The following SYNE1 variants were observed in gnomAD, a reference collection of about 807,000 sequenced individuals.
SYNE1 encodes spectrin repeat containing nuclear envelope protein 1.
SYNE1 carries 616 observed loss-of-function variants against 1,111.0 expected under a neutral mutation model. The ratio of observed to expected loss-of-function variants is 0.55; its 90% CI spans 0.52 to 0.59. The LOEUF (loss-of-function observed/expected upper bound fraction) is 0.59. Among genes scored for constraint, SYNE1 ranks in the 20% least tolerant of loss-of-function variants. The pLI, the probability that SYNE1 is intolerant of heterozygous loss-of-function variation, is 0.00. For missense variants in SYNE1, 10,006 were observed against 10,417.0 expected, an observed-to-expected ratio of 0.96 and a Z score of 1.72; for synonymous variants, 3,855 against 3,825.8, an observed-to-expected ratio of 1.01 and a Z score of -0.28.
chr6:152,577,033 A>T (rs1006171434), intron 3 of SYNE1, among the ~76,000 whole-genome samples: 3 of 152,230 alleles, frequency 2.0e-5, no homozygotes, highest in Non-Finnish European at 4.4e-5. Flanking sequence ...TATGTTAAGA[A>T]GGCATTTTTT....
At chr6:152,349,367 C>T (rs1379290848) in intron 72 of SYNE1, among the ~76,000 whole-genome samples, 1 of 152,174 alleles carries the variant, frequency 6.6e-6, no homozygotes, top group African/African-American at 2.4e-5. Context: ...AATATTATCT[C>T]CTGTGATTAG....
At chr6:152,612,343 C>T (rs2099633684) in intron 3 of SYNE1, among the ~76,000 whole-genome samples, 3 of 152,042 alleles carry the variant, frequency 2.0e-5, no homozygotes, top group Non-Finnish European at 2.9e-5. Context: ...GAAATACAAA[C>T]TATAATCAGA....
intron 45 of SYNE1, 72 bp downstream of exon 45, chr6:152,406,942 G>C (rs962760905): frequency 3.5e-6 from 4 of 1,151,256 alleles, no homozygotes; most frequent in Non-Finnish European, 4.7e-6. Context: ...TTTTAAGAAA[G>C]ACTTTTTTTT....
chr6:152,607,963 C>T (rs1013465980), intron 3 of SYNE1, among the ~76,000 whole-genome samples: 11 of 152,084 alleles, frequency 7.2e-5, no homozygotes, highest in Non-Finnish European at 1.6e-4. Flanking sequence ...TGTTGTCACT[C>T]ATAAGTGGGA....
chr6:152,615,725 T>C (rs1340288039), intron 3 of SYNE1, among the ~76,000 whole-genome samples: 3 of 152,240 alleles, frequency 2.0e-5, no homozygotes, highest in African/African-American at 2.4e-5. Flanking sequence ...AATAATTATA[T>C]AGTCAAAGAA....
chr6:152,214,966 C>A lies in SYNE1; in HGVS notation c.22286G>T (p.Arg7429Ile), dbSNP rs747371458. The change falls in exon 122 of 146, where the codon AGA becomes ATA. Residue 7429 changes from arginine (R) to isoleucine (I), a missense_variant. Physicochemically the swap from Arg to Ile is moderately conservative, Grantham distance 97 (BLOSUM62 -3). Coordinates refer to ENST00000367255, the MANE Select transcript of SYNE1 (RefSeq NM_182961.4). ...RLPLNDKEIK[R>I]MQNLNRHWSL... The stretch of plus-strand genomic sequence containing the variant: ...CCAATGGCGGTTCAGATTCTGCATT[C>A]TTTTGATTTCCTTATCATTCAAGGG... 6.2e-7 allele frequency: 1 copy of A among 1,614,118 alleles called. No individual in the cohort carries two copies. Among genetic ancestry groups the A allele is most frequent in the East Asian group, 2.2e-5 (1 of 44,884 alleles).
intron 2 of SYNE1, among the ~76,000 whole-genome samples, chr6:152,632,301 C>T (rs1320840845): frequency 6.6e-6 from 1 of 152,154 alleles, no homozygotes; most frequent in Admixed American, 6.5e-5. Context: ...ACCTCTTCCT[C>T]TTCAATGCAA....
chr6:152,553,749 A>G (rs192577799), intron 3 of SYNE1, among the ~76,000 whole-genome samples: 9 of 152,130 alleles, frequency 5.9e-5, no homozygotes, highest in African/African-American at 1.9e-4. Context: ...TTATTATTAT[A>G]TCATGTGTCA....
intron 14 of SYNE1, among the ~76,000 whole-genome samples, chr6:152,481,832 CCCA>C (rs1457354662): frequency 1.3e-5 from 2 of 150,504 alleles, no homozygotes; most frequent in African/African-American, 2.5e-5. Flanking sequence ...CATAGCTGCC[CCCA>C]CTTTAGGGCA....
Position 152,329,802 on chromosome 6 carries a change from C to A in SYNE1, c.14883G>T (p.Ala4961=), listed in dbSNP as rs539549948. 1 of 1,614,170 alleles carries A rather than the reference C, an allele frequency of 6.2e-7. No individual in the cohort carries two copies. Among genetic ancestry groups the A allele is most frequent in the African/African-American group, 1.3e-5 (1 of 75,048 alleles). The change falls in exon 78 of 146, where the codon GCG becomes GCT. Residue 4961 remains alanine (A), a synonymous_variant. Coordinates refer to ENST00000367255, the MANE Select transcript of SYNE1 (RefSeq NM_182961.4). ...GCTCAGCGAGGCTGTGTTCTAAATC[C>A]GCAGAAATCAGCTCCTTGGCCTTTG... The part of the protein sequence containing the change: ...KFTKAKELIS[A]DLEHSLAELS...
At chr6:152,266,768 C>T (rs928395311) in intron 100 of SYNE1, among the ~76,000 whole-genome samples, 4 of 152,076 alleles carry the variant, frequency 2.6e-5, no homozygotes, top group African/African-American at 9.7e-5. Context: ...GCTGCAATTG[C>T]ATTTTAGTTT....
intron 21 of SYNE1, among the ~76,000 whole-genome samples, chr6:152,460,628 G>A (rs2098726276): frequency 6.6e-6 from 1 of 151,682 alleles, no homozygotes; most frequent in Admixed American, 6.6e-5. Context: ...CAATCTAGGT[G>A]GATTTTGCAA....
At chr6:152,199,002 C>A (rs541815545) in intron 127 of SYNE1, among the ~76,000 whole-genome samples, 36 of 127,156 alleles carry the variant, frequency 2.8e-4, no homozygotes, top group South Asian at 1.0e-3. Context: ...AAAAAAAAAA[C>A]CAAAAAACAA....
chr6:152,230,535 T>C lies in SYNE1; in HGVS notation c.21195+12A>G, dbSNP rs200930593. On this transcript the variant is annotated intron_variant, in intron 115 of 145. Coordinates refer to ENST00000367255, the MANE Select transcript of SYNE1 (RefSeq NM_182961.4). ...TGTGAGATGGTGCATGTTAGCCACC[T>C]GGACAAGTTACCTGACAGTCTTTCA... is the stretch of plus-strand genomic sequence containing the variant. 8.6e-5 allele frequency: 138 copies of C among 1,613,954 alleles called. No homozygotes were observed. The East Asian group carries it at 2.5e-3, about 29-fold the overall frequency.
chr6:152,444,823 T>C (rs1054009194), intron 29 of SYNE1, among the ~76,000 whole-genome samples: 5 of 152,124 alleles, frequency 3.3e-5, no homozygotes, highest in Non-Finnish European at 4.4e-5. Context: ...CAATAGGTAA[T>C]ATTAACTGCA....
At chr6:152,426,123 C>T (rs2098349783) in intron 38 of SYNE1, among the ~76,000 whole-genome samples, 1 of 152,130 alleles carries the variant, frequency 6.6e-6, no homozygotes, top group Non-Finnish European at 1.5e-5. Flanking sequence ...CTCTTAAGTG[C>T]TGTGAGGTGC....
At position 152,433,781 on chromosome 6, in the gene SYNE1, T is replaced by C. The variant is rs554281097; in HGVS notation, c.4461+14A>G. 6.2e-7 allele frequency: 1 copy of C among 1,613,462 alleles called. No homozygotes were observed. Among genetic ancestry groups the C allele is most frequent in the African/African-American group, 1.3e-5 (1 of 74,930 alleles). On this transcript the variant is annotated intron_variant, in intron 34 of 145. Transcript: ENST00000367255. ...CTAGACATGGATTATAAATATAATGTGTGAGCAGGTCACCTTAATTTGGCT... is the reference window on the plus strand; with the variant it reads ...CTAGACATGGATTATAAATATAATGCGTGAGCAGGTCACCTTAATTTGGCT...
chr6:152,310,786 C>T lies in SYNE1; in HGVS notation c.16798G>A (p.Glu5600Lys), dbSNP rs1415820816. ...TCTGCCACTTGCTGAGACATTTTTTCTGTACAGTACACGCTAGTGAGGTAC... is the reference window on the plus strand; with the variant it reads ...TCTGCCACTTGCTGAGACATTTTTTTTGTACAGTACACGCTAGTGAGGTAC... ...LQYLTSVYCT[E>K]KMSQQVAELG... Residue 5600 changes from glutamate (E) to lysine (K), a missense_variant, in exon 88 of 146, where the codon GAA (glutamate) becomes AAA (lysine). Around this residue, in one of 7 missense-constraint regions of SYNE1, gnomAD observed 4,955 missense variants for 5,017.2 expected, o/e 0.99. Coordinates refer to ENST00000367255, the MANE Select transcript of SYNE1 (RefSeq NM_182961.4). 6.2e-7 allele frequency: 1 copy of T among 1,613,852 alleles called. No individual in the cohort carries two copies. Among genetic ancestry groups the T allele is most frequent in the East Asian group, 2.2e-5 (1 of 44,882 alleles).
At chr6:152,292,447 C>T (rs1381699760) in intron 95 of SYNE1, among the ~76,000 whole-genome samples, 1 of 152,200 alleles carries the variant, frequency 6.6e-6, no homozygotes, top group Non-Finnish European at 1.5e-5. Flanking sequence ...GCACTTCGAT[C>T]TCTATCTTCA....
Sources: gnomAD v4.1 joint callset for allele counts (sites outside exome capture counted in the v4.1 genomes callset) on GRCh38, gnomAD v4.1.1 for gene constraint, gnomAD v4.1.1 regional missense constraint, MANE v1.5 for transcripts, NCBI Gene and HGNC (gene_info 2026-07-23, HGNC 2026-07-21) for gene names.